HCN1: variants seen among roughly 807,000 people sequenced by gnomAD.
HCN1 encodes hyperpolarization activated cyclic nucleotide gated potassium channel 1, also known as potassium/sodium hyperpolarization-activated cyclic nucleotide-gated channel 1.
In HCN1, 13 loss-of-function variants were observed where a neutral mutation model predicts 78.9. That is an observed-to-expected ratio of 0.16 (90% CI 0.11 to 0.26). The LOEUF (loss-of-function observed/expected upper bound fraction) is 0.26, where lower values mean the gene tolerates loss of function less well. HCN1 is among the 10% of genes least tolerant of loss of function. The pLI, the probability that HCN1 is intolerant of heterozygous loss-of-function variation, is 1.00. For missense variants in HCN1, 810 were observed against 1,154.3 expected, an observed-to-expected ratio of 0.70 and a Z score of 4.32; for synonymous variants, 552 against 455.5, an observed-to-expected ratio of 1.21 and a Z score of -2.70.
intron 3 of HCN1, among the ~76,000 whole-genome samples, chr5:45,454,053 A>G (rs1363032831): frequency 1.3e-5 from 2 of 152,128 alleles, no homozygotes; most frequent in Non-Finnish European, 2.9e-5. Context: ...TTGGTCTTAC[A>G]TTGCTAAAGC....
chr5:45,532,626 A>T (rs935094962), intron 2 of HCN1, among the ~76,000 whole-genome samples: 23 of 152,132 alleles, frequency 1.5e-4, no homozygotes, highest in Non-Finnish European at 2.9e-4. Flanking sequence ...AAATAATCAG[A>T]GTTTTATATA....
intron 6 of HCN1, among the ~76,000 whole-genome samples, chr5:45,278,049 T>G (rs1745099270): frequency 1.3e-5 from 2 of 152,066 alleles, no homozygotes; most frequent in South Asian, 2.1e-4. Context: ...TTACAGTGCT[T>G]CTTTTCTTCC....
rs1229424261 is a variant in HCN1, at chr5:45,256,611, C to G, written c.*5310G>C. The G allele has an allele frequency of 6.6e-6, 1 of 152,186 alleles. No individual in the cohort carries two copies. The highest frequency in any genetic ancestry group is 2.4e-5 in the African/African-American group (1 of 41,436). The allele number at this position is 152,186 out of a possible 1,614,324, so 9.4% of individuals were successfully genotyped here. On this transcript the variant is annotated 3_prime_UTR_variant, in exon 8 of 8. Coordinates refer to ENST00000303230, the MANE Select transcript of HCN1 (RefSeq NM_021072.4). The stretch of plus-strand genomic sequence containing the variant: ...GTGGAACGAACAGGGCTCACTGCAG[C>G]CTTGACCTCCTAAGTTCAAGCGATC...
intron 5 of HCN1, among the ~76,000 whole-genome samples, chr5:45,324,843 TA>T (rs2111942042): frequency 6.6e-6 from 1 of 151,868 alleles, no homozygotes; most frequent in East Asian, 1.9e-4. Flanking sequence ...AAAAATTTTT[TA>T]AAGTTAAAAT....
In HCN1 at chr5:45,540,073, C is replaced by T. The variant is rs181852050; in HGVS notation, c.850-78066G>A. On this transcript the variant is annotated intron_variant, in intron 2 of 7. Coordinates refer to ENST00000303230, the MANE Select transcript of HCN1 (RefSeq NM_021072.4). Reference sequence around the variant, plus strand: ...TGATAATAAATGCTGTAAAAAACATCTTTGCAAATAGTGCTATTTATCTCT... The same window carrying T: ...TGATAATAAATGCTGTAAAAAACATTTTTGCAAATAGTGCTATTTATCTCT... Among the ~76,000 whole-genome samples, 452 of 151,104 alleles carry T rather than the reference C, an allele frequency of 3.0e-3. 5 individuals are homozygous for T. The highest frequency in any genetic ancestry group is 0.01 in the African/African-American group (424 of 41,234).
At chr5:45,306,563 G>T (rs912417533) in intron 5 of HCN1, among the ~76,000 whole-genome samples, 2 of 152,080 alleles carry the variant, frequency 1.3e-5, no homozygotes, top group Non-Finnish European at 2.9e-5. Context: ...TAATGAGACA[G>T]AATCTTCTTG....
chr5:45,373,133 A>G (rs1284828733), intron 4 of HCN1, among the ~76,000 whole-genome samples: 2 of 126,964 alleles, frequency 1.6e-5, no homozygotes, highest in East Asian at 2.2e-4. Flanking sequence ...TATATAAAAT[A>G]TATAGTATAT....
Position 45,497,928 on chromosome 5 carries a change from G to A in HCN1, c.850-35921C>T, listed in dbSNP as rs1378908079. On this transcript the variant is annotated intron_variant, in intron 2 of 7. Coordinates refer to ENST00000303230, the MANE Select transcript of HCN1 (RefSeq NM_021072.4). ...GAATATTGGCCCCCACTCTCTTCTG[G>A]CTTGTAGAGTTTCTGCCGAGAGATC... is the stretch of plus-strand genomic sequence containing the variant. 3.9e-5 allele frequency among the ~76,000 whole-genome samples: 6 copies of A among 152,146 alleles called. No individual in the cohort carries two copies. In the East Asian group the frequency reaches 7.7e-4, roughly 20 times the overall value.
At chr5:45,589,753 A>AT in intron 2 of HCN1, among the ~76,000 whole-genome samples, 1 of 152,268 alleles carries the variant, frequency 6.6e-6, no homozygotes, top group East Asian at 1.9e-4. Flanking sequence ...TCATTTAATA[A>AT]TTTTTATTTA....
intron 2 of HCN1, among the ~76,000 whole-genome samples, chr5:45,529,486 T>C (rs1009116495): frequency 2.0e-5 from 3 of 152,134 alleles, no homozygotes; most frequent in South Asian, 2.1e-4. Context: ...CCTGCTCACC[T>C]AAAATATGTC....
At chr5:45,407,188 G>A (rs1431291512) in intron 3 of HCN1, among the ~76,000 whole-genome samples, 1 of 152,026 alleles carries the variant, frequency 6.6e-6, no homozygotes, top group African/African-American at 2.4e-5. Context: ...ATTCAGCAGT[G>A]GTTCTATAAG....
chr5:45,433,243 T>C (rs1484812113), intron 3 of HCN1, among the ~76,000 whole-genome samples: 2 of 152,172 alleles, frequency 1.3e-5, no homozygotes, highest in African/African-American at 2.4e-5. Context: ...ATTTGCTTTT[T>C]GATGTGCTGC....
chr5:45,482,867 T>C (rs1304403682), intron 2 of HCN1, among the ~76,000 whole-genome samples: 2 of 152,198 alleles, frequency 1.3e-5, no homozygotes, highest in African/African-American at 4.8e-5. Flanking sequence ...TATTTGTTTT[T>C]CCATTCCTGT....
rs905412259 is a variant in HCN1, at chr5:45,262,433, A to T, written c.2161T>A (p.Ser721Thr). The T allele has an allele frequency of 1.2e-5, 20 of 1,610,398 alleles. No individual in the cohort carries two copies. The highest frequency in any genetic ancestry group is 1.6e-5 in the Non-Finnish European group (19 of 1,179,460). ...AGTGACAGCTGGGAGGCGGTGGGGG[A>T]GGCATAGTGGAAAGTTCGAGCGGCC... ...PLAARTFHYA[S>T]PTASQLSLMQ... Residue 721 changes from serine (S) to threonine (T), a missense_variant, in exon 8 of 8, where the codon TCC (serine) becomes ACC (threonine). Ser to Thr is a moderately conservative substitution (Grantham distance 58). This residue lies in a region of HCN1 where 398 missense variants were observed against 381.3 expected (regional missense o/e 1.04). Transcript: ENST00000303230.
At chr5:45,376,231 ATATTCTATATATTC>A (rs1747657798) in intron 4 of HCN1, among the ~76,000 whole-genome samples, 2 of 105,772 alleles carry the variant, frequency 1.9e-5, no homozygotes, top group African/African-American at 7.5e-5. Context: ...TATATAATAT[ATATTCTATATATTC>A]TATATAGAAT....
At chr5:45,345,191 A>C (rs974084466) in intron 5 of HCN1, among the ~76,000 whole-genome samples, 2 of 152,192 alleles carry the variant, frequency 1.3e-5, no homozygotes, top group African/African-American at 4.8e-5. Flanking sequence ...TCAATGGCTG[A>C]AACAACTGGG....
At chr5:45,346,237 C>T (rs1266124738) in intron 5 of HCN1, among the ~76,000 whole-genome samples, 2 of 152,174 alleles carry the variant, frequency 1.3e-5, no homozygotes, top group Non-Finnish European at 2.9e-5. Flanking sequence ...CATGACAGGT[C>T]ATTGACAACT....
chr5:45,497,741 G>A (rs1020463680), intron 2 of HCN1, among the ~76,000 whole-genome samples: 8 of 152,116 alleles, frequency 5.3e-5, no homozygotes, highest in Non-Finnish European at 8.8e-5. Flanking sequence ...TCCTTTCCAT[G>A]TTTAGCACTT....
intron 2 of HCN1, among the ~76,000 whole-genome samples, chr5:45,565,521 T>C (rs774933853): frequency 3.9e-5 from 6 of 152,010 alleles, no homozygotes; most frequent in Non-Finnish European, 7.4e-5. Context: ...AAAAGAGTGG[T>C]AAAAATAATT....
Sources: allele counts gnomAD v4.1 joint callset (sites outside exome capture counted in the v4.1 genomes callset), GRCh38; gene constraint gnomAD v4.1.1; regional missense constraint gnomAD v4.1.1; transcripts MANE v1.5; gene names NCBI Gene and HGNC (gene_info 2026-07-23, HGNC 2026-07-21).